LGR6: variants seen among roughly 807,000 people sequenced by gnomAD.
LGR6 encodes the protein leucine-rich repeat-containing G protein-coupled receptor 6.
In LGR6, 45 loss-of-function variants were observed where a neutral mutation model predicts 69.4. The ratio of observed to expected loss-of-function variants is 0.65; its 90% CI spans 0.51 to 0.83. The LOEUF (loss-of-function observed/expected upper bound fraction) is 0.83. LGR6 is among the 40% of genes least tolerant of loss of function. The pLI, the probability that LGR6 is intolerant of heterozygous loss-of-function variation, is 0.00. For synonymous variants in LGR6, 538 were observed against 555.0 expected, an observed-to-expected ratio of 0.97 and a Z score of 0.43; for missense variants, 1,108 against 1,246.7, an observed-to-expected ratio of 0.89 and a Z score of 1.68.
chr1:202,199,854 GAAGCAAATGAGACAAAGA>G (rs1374038266), intron 1 of LGR6, among the ~76,000 whole-genome samples: 1 of 152,250 alleles, frequency 6.6e-6, no homozygotes, highest in African/African-American at 2.4e-5. Context: ...GTTGTGAGGA[GAAGCAAATGAGACAAAGA>G]AAGCAAAGGG....
chr1:202,237,120 C>A (rs1661634755), intron 4 of LGR6, among the ~76,000 whole-genome samples: 1 of 152,206 alleles, frequency 6.6e-6, no homozygotes, highest in Non-Finnish European at 1.5e-5. Flanking sequence ...CCTGGCACCC[C>A]TCAGCTGCTC....
intron 6 of LGR6, among the ~76,000 whole-genome samples, chr1:202,283,331 G>T (rs1666156337): frequency 6.6e-6 from 1 of 152,192 alleles, no homozygotes; most frequent in African/African-American, 2.4e-5. Flanking sequence ...TGGGGAGCCT[G>T]CAGGGGCAGC....
rs1558003736 is a variant in LGR6, at chr1:202,204,519, C to CT, written c.212+10319dup. Among the ~76,000 whole-genome samples, 225 of 111,764 alleles carry CT rather than the reference C, an allele frequency of 2.0e-3. 8 individuals are homozygous for CT. The highest frequency in any genetic ancestry group is 3.7e-3 in the Non-Finnish European group (197 of 53,524). 73.3% of individuals were successfully genotyped at this position (111,764 alleles called of 152,430 possible). A position where few individuals can be genotyped will look rare whatever the true frequency, so the allele number is the denominator to read the frequency against. ...CACACACCTCCAAACACACACACACCTCCAAACACACACACCTCCTTCAAA... is the reference window on the plus strand; with the variant it reads ...CACACACCTCCAAACACACACACACCTTCCAAACACACACACCTCCTTCAAA... On this transcript the variant is annotated intron_variant, in intron 1 of 17. Coordinates refer to ENST00000367278, the MANE Select transcript of LGR6 (RefSeq NM_001017403.2).
rs568259360 is a variant in LGR6, at chr1:202,314,911, A to G, written c.1648+29A>G. The G allele has an allele frequency of 2.5e-5, 39 of 1,562,070 alleles. No individual in the cohort carries two copies. In the Admixed American group the frequency reaches 5.3e-4, roughly 21 times the overall value. On this transcript the variant is annotated intron_variant, in intron 17 of 17. Coordinates refer to ENST00000367278, the MANE Select transcript of LGR6 (RefSeq NM_001017403.2). ...AGGTGGTGTCTGGGGAATGGGGACGAGGGGGAATGGAGAAAGGGCACCCAA... is the reference window on the plus strand; with the variant it reads ...AGGTGGTGTCTGGGGAATGGGGACGGGGGGGAATGGAGAAAGGGCACCCAA...
intron 4 of LGR6, among the ~76,000 whole-genome samples, chr1:202,237,536 G>A (rs530845241): frequency 9.2e-5 from 14 of 152,284 alleles, no homozygotes; most frequent in Admixed American, 3.9e-4. Context: ...AAAAAAAATC[G>A]TGAATCACAT....
chr1:202,310,374 C>A lies in LGR6; in HGVS notation c.1567+17C>A. The A allele has an allele frequency of 6.2e-7, 1 of 1,612,018 alleles. No individual in the cohort carries two copies. Among genetic ancestry groups the A allele is most frequent in the East Asian group, 2.2e-5 (1 of 44,846 alleles). On this transcript the variant is annotated intron_variant, in intron 16 of 17. Transcript: ENST00000367278. ...AGAACCACTGTGAGTGACCAGGGGC[C>A]CTGGGTTGGGGAGGGTAGTGGGCTG...
intron 1 of LGR6, among the ~76,000 whole-genome samples, chr1:202,215,020 T>C (rs74894138): frequency 0.034 from 4,655 of 135,856 alleles, 223 homozygotes; most frequent in African/African-American, 0.1. Flanking sequence ...TGTGTGTGTG[T>C]GCGCGCGCGC....
chr1:202,273,457 T>C (rs12127698), intron 4 of LGR6, among the ~76,000 whole-genome samples: 17,108 of 151,660 alleles, frequency 0.11, 1,113 homozygotes, highest in Middle Eastern at 0.21. Context: ...ACCTGTTTTT[T>C]TTTGTTTTTT....
rs572508197 is a variant in LGR6, at chr1:202,313,143, C to T, written c.1568-1659C>T. Among the ~76,000 whole-genome samples, 43 of 151,564 alleles carry T rather than the reference C, an allele frequency of 2.8e-4. 1 individual carries two copies. In the East Asian group the frequency reaches 7.8e-3, roughly 27 times the overall value. On this transcript the variant is annotated intron_variant, in intron 16 of 17. Transcript: ENST00000367278. The stretch of plus-strand genomic sequence containing the variant: ...TCAGGAGGCTGAGGCAGGAGAATGG[C>T]GTGAACCCAGGAGGCAGAGCTTGCA...
At chr1:202,228,081 C>T in intron 3 of LGR6, 74 bp downstream of exon 3, 2 of 1,091,558 alleles carry the variant, frequency 1.8e-6, no homozygotes, top group Admixed American at 1.9e-5. Context: ...GTTTTAGAAC[C>T]CAAGTCTTGG....
intron 3 of LGR6, among the ~76,000 whole-genome samples, chr1:202,235,001 G>A (rs545425468): frequency 2.6e-5 from 4 of 152,170 alleles, no homozygotes; most frequent in Admixed American, 6.5e-5. Flanking sequence ...CTAAAGGCCT[G>A]GAGGGTTTTC....
chr1:202,242,658 A>G (rs899250519), intron 4 of LGR6, among the ~76,000 whole-genome samples: 1 of 152,180 alleles, frequency 6.6e-6, no homozygotes, highest in Non-Finnish European at 1.5e-5. Context: ...TCTCCTGGGA[A>G]TGCTGTGAGT....
chr1:202,277,680 G>A (rs1293601177), intron 5 of LGR6, among the ~76,000 whole-genome samples: 1 of 152,104 alleles, frequency 6.6e-6, no homozygotes, highest in Non-Finnish European at 1.5e-5. Flanking sequence ...GTGAGATATA[G>A]CCACTGCCCT....
At chr1:202,305,887 A>C (rs1027606104) in intron 12 of LGR6, 138 bp downstream of exon 12, 3 of 757,828 alleles carry the variant, frequency 4.0e-6, no homozygotes, top group Non-Finnish European at 6.8e-6. Flanking sequence ...GAGTTTGTTT[A>C]ACCCAGAGTT....
intron 4 of LGR6, among the ~76,000 whole-genome samples, chr1:202,247,023 G>A (rs944305309): frequency 6.6e-6 from 1 of 152,214 alleles, no homozygotes; most frequent in Non-Finnish European, 1.5e-5. Flanking sequence ...AGGGACCCTT[G>A]AGGTCTAGTT....
chr1:202,243,939 CTTT>C (rs910601615), intron 4 of LGR6, among the ~76,000 whole-genome samples: 2 of 128,876 alleles, frequency 1.6e-5, no homozygotes, highest in East Asian at 2.0e-4. Flanking sequence ...AAAACAAAGT[CTTT>C]TTGTTGTTGT....
At chr1:202,287,378 C>T (rs902904572) in intron 6 of LGR6, among the ~76,000 whole-genome samples, 1 of 152,130 alleles carries the variant, frequency 6.6e-6, no homozygotes, top group South Asian at 2.1e-4. Context: ...CTGACCTCAT[C>T]ACCCTAACCC....
At chr1:202,208,550 A>G (rs534872821) in intron 1 of LGR6, among the ~76,000 whole-genome samples, 7 of 152,120 alleles carry the variant, frequency 4.6e-5, no homozygotes, top group African/African-American at 1.7e-4. Context: ...GGCCATCATC[A>G]GCACCTCGAG....
At chr1:202,249,423 T>C (rs1260062744) in intron 4 of LGR6, among the ~76,000 whole-genome samples, 2 of 152,166 alleles carry the variant, frequency 1.3e-5, no homozygotes, top group Non-Finnish European at 2.9e-5. Context: ...TATCTCTGCT[T>C]CAGTTTCTCC....
Sources: allele counts gnomAD v4.1 joint callset (sites outside exome capture counted in the v4.1 genomes callset), GRCh38; gene constraint gnomAD v4.1.1; transcripts MANE v1.5; gene names NCBI Gene and HGNC (gene_info 2026-07-23, HGNC 2026-07-21).